The following EFCAB11 variants were observed in gnomAD, a reference collection of about 807,000 sequenced individuals.
EFCAB11 encodes the protein EF-hand calcium-binding domain-containing protein 11.
In EFCAB11, 14 loss-of-function variants were observed where a neutral mutation model predicts 23.0. That is an observed-to-expected ratio of 0.61 (90% CI 0.40 to 0.95). EFCAB11 has a LOEUF of 0.95. Among genes scored for constraint, EFCAB11 ranks in the 40% least tolerant of loss-of-function variants. The pLI is 0.00. For missense variants in EFCAB11, 198 were observed against 195.8 expected, an observed-to-expected ratio of 1.01 and a Z score of -0.07; for synonymous variants, 65 against 66.6, an observed-to-expected ratio of 0.98 and a Z score of 0.11.
At chr14:89,876,784 C>T (rs1888452966) in intron 5 of EFCAB11, among the ~76,000 whole-genome samples, 1 of 152,216 alleles carries the variant, frequency 6.6e-6, no homozygotes, top group Non-Finnish European at 1.5e-5. Context: ...ATGTCTTGTT[C>T]AGTGTTGTAA....
chr14:89,954,697 G>A lies in EFCAB11; in HGVS notation c.-37C>T, dbSNP rs371115251. 559 of 1,596,740 alleles carry A rather than the reference G, an allele frequency of 3.5e-4. No individual in the cohort carries two copies. The highest frequency in any genetic ancestry group is 4.6e-4 in the Non-Finnish European group (545 of 1,174,278). On this transcript the variant is annotated 5_prime_UTR_variant, in exon 1 of 6. Transcript: ENST00000316738. ...CAACCGAGCCCCAGCAACCCAACCA[G>A]CTACCACCGCTTTCCCAGCCTGGCT...
At chr14:89,825,206 A>G (rs1886650505) in intron 5 of EFCAB11, among the ~76,000 whole-genome samples, 1 of 152,132 alleles carries the variant, frequency 6.6e-6, no homozygotes, top group African/African-American at 2.4e-5. Context: ...AGAACTTTCA[A>G]ATATTTGGAA....
intron 5 of EFCAB11, among the ~76,000 whole-genome samples, chr14:89,860,552 C>A (rs967866024): frequency 6.6e-6 from 1 of 151,880 alleles, no homozygotes; most frequent in African/African-American, 2.4e-5. Flanking sequence ...TGAAAAATGT[C>A]TTTGAAGATA....
At chr14:89,867,530 T>G (rs1195084979) in intron 5 of EFCAB11, among the ~76,000 whole-genome samples, 2 of 152,222 alleles carry the variant, frequency 1.3e-5, no homozygotes, top group Non-Finnish European at 2.9e-5. Flanking sequence ...CTGCTCTGCC[T>G]CCAGGGTGAT....
chr14:89,871,799 T>G (rs932975128), intron 5 of EFCAB11, among the ~76,000 whole-genome samples: 1 of 152,240 alleles, frequency 6.6e-6, no homozygotes, highest in Non-Finnish European at 1.5e-5. Context: ...AGATTTCCCA[T>G]GTCACTGCTA....
At chr14:89,823,179 T>C (rs1886582140) in intron 5 of EFCAB11, among the ~76,000 whole-genome samples, 1 of 152,108 alleles carries the variant, frequency 6.6e-6, no homozygotes, top group Non-Finnish European at 1.5e-5. Flanking sequence ...AAGAAGAATA[T>C]GACATACCAT....
At chr14:89,833,628 T>C (rs1886960309) in intron 5 of EFCAB11, among the ~76,000 whole-genome samples, 2 of 152,156 alleles carry the variant, frequency 1.3e-5, no homozygotes, top group South Asian at 4.1e-4. Flanking sequence ...GTATGGAACA[T>C]GGAACTAAGT....
chr14:89,835,120 G>A (rs1168397191), intron 5 of EFCAB11, among the ~76,000 whole-genome samples: 1 of 152,164 alleles, frequency 6.6e-6, no homozygotes, highest in Admixed American at 6.5e-5. Context: ...AGAGTGACAG[G>A]GAAAATGGGG....
chr14:89,928,748 T>TTATA, intron 5 of EFCAB11, among the ~76,000 whole-genome samples: 1 of 97,900 alleles, frequency 1.0e-5, no homozygotes, highest in African/African-American at 4.7e-5. Context: ...ACTGATTATA[T>TTATA]TAATTATATA....
chr14:89,951,120 T>C (rs150860612), intron 2 of EFCAB11, among the ~76,000 whole-genome samples: 39 of 152,314 alleles, frequency 2.6e-4, no homozygotes, highest in African/African-American at 6.5e-4. Context: ...TTCACCACCA[T>C]AACCTCAATA....
intron 1 of EFCAB11, chr14:89,954,380 G>C (rs1484208514): frequency 3.3e-6 from 5 of 1,536,172 alleles, no homozygotes; most frequent in Non-Finnish European, 4.4e-6. Flanking sequence ...TAGAGAGAAA[G>C]GAGATGGAAC....
At chr14:89,844,508 G>T (rs1887370757) in intron 5 of EFCAB11, among the ~76,000 whole-genome samples, 1 of 152,192 alleles carries the variant, frequency 6.6e-6, no homozygotes, top group Non-Finnish European at 1.5e-5. Flanking sequence ...CACATACAGA[G>T]AACTGCTGGG....
intron 3 of EFCAB11, among the ~76,000 whole-genome samples, chr14:89,933,866 A>G (rs1055608030): frequency 4.6e-5 from 7 of 152,244 alleles, no homozygotes; most frequent in African/African-American, 1.4e-4. Flanking sequence ...GGTGACAGAG[A>G]GAGCCCTTCA....
intron 5 of EFCAB11, among the ~76,000 whole-genome samples, chr14:89,884,163 C>T (rs569172243): frequency 2.0e-4 from 31 of 151,804 alleles, no homozygotes; most frequent in Non-Finnish European, 3.7e-4. Flanking sequence ...TTTAAATGCC[C>T]TTAACAAAAA....
chr14:89,952,962 G>T (rs1386855688), intron 2 of EFCAB11, among the ~76,000 whole-genome samples: 1 of 152,118 alleles, frequency 6.6e-6, no homozygotes, highest in Non-Finnish European at 1.5e-5. Context: ...AATGTAACAG[G>T]AAAGCAGAAA....
At chr14:89,868,660 T>A (rs974795879) in intron 5 of EFCAB11, among the ~76,000 whole-genome samples, 2 of 152,196 alleles carry the variant, frequency 1.3e-5, no homozygotes, top group African/African-American at 4.8e-5. Flanking sequence ...ATTTCCTTGT[T>A]TTACGTGCTC....
chr14:89,944,198 C>A (rs980578711), intron 3 of EFCAB11, among the ~76,000 whole-genome samples: 1 of 152,138 alleles, frequency 6.6e-6, no homozygotes, highest in African/African-American at 2.4e-5. Context: ...ACGATCATAG[C>A]GGAAGGCAAA....
At chr14:89,876,001 TG>T (rs1888426007) in intron 5 of EFCAB11, among the ~76,000 whole-genome samples, 1 of 152,192 alleles carries the variant, frequency 6.6e-6, no homozygotes, top group Admixed American at 6.5e-5. Context: ...GTTTGAATGT[TG>T]AAAAGGGTTC....
chr14:89,929,573 A>G (rs1466405029), intron 5 of EFCAB11, among the ~76,000 whole-genome samples: 1 of 152,048 alleles, frequency 6.6e-6, no homozygotes, highest in Non-Finnish European at 1.5e-5. Context: ...TTTAGTAGAC[A>G]TGGGGTTTCG....
Sources: allele counts gnomAD v4.1 joint callset (sites outside exome capture counted in the v4.1 genomes callset), GRCh38; gene constraint gnomAD v4.1.1; transcripts MANE v1.5; gene names NCBI Gene and HGNC (gene_info 2026-07-23, HGNC 2026-07-21).